SORBS2: variants seen among roughly 807,000 people sequenced by gnomAD.
SORBS2 encodes sorbin and SH3 domain-containing protein 2.
SORBS2 carries 46 observed loss-of-function variants against 97.7 expected under a neutral mutation model. That is an observed-to-expected ratio of 0.47 (90% CI 0.37 to 0.60). SORBS2 has a LOEUF of 0.60. SORBS2 is among the 20% of genes least tolerant of loss of function. The pLI, the probability that SORBS2 is intolerant of heterozygous loss-of-function variation, is 0.00. For synonymous variants in SORBS2, 476 were observed against 473.4 expected, an observed-to-expected ratio of 1.01 and a Z score of -0.07; for missense variants, 1,316 against 1,282.3, an observed-to-expected ratio of 1.03 and a Z score of -0.40.
chr4:185,797,399 C>T (rs184729166), intron 1 of SORBS2, among the ~76,000 whole-genome samples: 169 of 152,276 alleles, frequency 1.1e-3, no homozygotes, highest in African/African-American at 3.9e-3. Context: ...ATATTTTTCA[C>T]CCACAAATAT....
At chr4:185,956,257 A>G (rs780217452) in exon 1 of SORBS2, 7 of 152,242 alleles carry the variant, frequency 4.6e-5, no homozygotes, top group Non-Finnish European at 1.0e-4. Context: ...GTGCAGAATG[A>G]GTTGCTTGGG....
intron 2 of SORBS2, among the ~76,000 whole-genome samples, chr4:185,699,231 CTTAAAA>C (rs1479407817): frequency 6.8e-6 from 1 of 147,702 alleles, no homozygotes; most frequent in African/African-American, 2.5e-5. Flanking sequence ...ATCTTATAGT[CTTAAAA>C]TTTAAGTAAT....
intron 1 of SORBS2, among the ~76,000 whole-genome samples, chr4:185,868,445 C>A (rs781342623): frequency 2.0e-4 from 31 of 151,556 alleles, no homozygotes; most frequent in Non-Finnish European, 4.0e-4. Context: ...CATGAGCCAC[C>A]GTGCCCAGCC....
intron 1 of SORBS2, among the ~76,000 whole-genome samples, chr4:185,796,909 G>A (rs55691941): frequency 9.5e-5 from 10 of 105,316 alleles, no homozygotes; most frequent in African/African-American, 3.2e-4. Flanking sequence ...ATGCCTGGGC[G>A]CTGTGGCCAC....
At chr4:185,693,109 G>T (rs1407612524) in intron 2 of SORBS2, among the ~76,000 whole-genome samples, 1 of 152,164 alleles carries the variant, frequency 6.6e-6, no homozygotes, top group Non-Finnish European at 1.5e-5. Context: ...AGTTTCCACA[G>T]GGTTATGGGG....
At position 185,724,156 on chromosome 4, in the gene SORBS2, A is replaced by G. The variant is rs1390055505; in HGVS notation, c.-197-45334T>C. On this transcript the variant is annotated intron_variant, in intron 2 of 20. Transcript: ENST00000284776. Reference sequence around the variant, plus strand: ...ATAAAAGAAGCTTAGTATGAAAAAGATCCAGGGTTTCTTAACCTACCTCTT... The same window carrying G: ...ATAAAAGAAGCTTAGTATGAAAAAGGTCCAGGGTTTCTTAACCTACCTCTT... Among the ~76,000 whole-genome samples, 7 of 152,272 alleles carry G rather than the reference A, an allele frequency of 4.6e-5. No individual in the cohort carries two copies. In the East Asian group the frequency reaches 1.3e-3, roughly 29 times the overall value.
intron 1 of SORBS2, among the ~76,000 whole-genome samples, chr4:185,846,416 G>C (rs894565792): frequency 2.6e-5 from 4 of 152,162 alleles, no homozygotes; most frequent in African/African-American, 9.7e-5. Context: ...CAACTGAATG[G>C]GGCCAAGGAC....
chr4:185,690,390 TATA>T (rs562052000), intron 2 of SORBS2, among the ~76,000 whole-genome samples, 169 bp downstream of exon 4: 30 of 152,314 alleles, frequency 2.0e-4, no homozygotes, highest in Non-Finnish European at 3.8e-4. Context: ...GTTTGGTGGC[TATA>T]AGAGTGGGGC....
Position 185,666,524 on chromosome 4 carries a change from A to G in SORBS2, c.-45-4282T>C, listed in dbSNP as rs1040516015. Reference sequence around the variant, plus strand: ...TAGTTTTTGTATTTGTGACAATGATAAGATATCAGACTATCGGTCAGCAGA... The same window carrying G: ...TAGTTTTTGTATTTGTGACAATGATGAGATATCAGACTATCGGTCAGCAGA... On this transcript the variant is annotated intron_variant, in intron 4 of 20. Coordinates refer to the SORBS2 transcript ENST00000284776. Among the ~76,000 whole-genome samples the G allele has an allele frequency of 2.6e-5, 4 of 152,234 alleles. No homozygotes were observed. The South Asian group carries it at 6.2e-4, about 24-fold the overall frequency.
At chr4:185,863,533 T>C (rs2099225093) in intron 1 of SORBS2, among the ~76,000 whole-genome samples, 1 of 152,286 alleles carries the variant, frequency 6.6e-6, no homozygotes, top group Non-Finnish European at 1.5e-5. Flanking sequence ...CAGATTAGTT[T>C]AGAAATACCA....
At position 185,622,909 on chromosome 4, in the gene SORBS2, T is replaced by C. The variant is rs1271898307; in HGVS notation, c.2215+5A>G. The C allele has an allele frequency of 3.2e-6, 5 of 1,577,714 alleles. No homozygotes were observed. The highest frequency in any genetic ancestry group is 4.3e-6 in the Non-Finnish European group (5 of 1,161,560). On this transcript the variant is annotated splice_donor_5th_base_variant and intron_variant, in intron 7 of 14. Transcript: ENST00000418609. ...ACAAGGAAAAAGAAAGAAAAGCTCA[T>C]CCACCTTGGAGTGCACCGCCACGGT...
At chr4:185,652,550 C>CACGGAGT in intron 2 of SORBS2, 112 bp downstream of exon 10, 3 of 815,446 alleles carry the variant, frequency 3.7e-6, no homozygotes, top group Non-Finnish European at 6.4e-6. Flanking sequence ...AGAAAGGGGA[C>CACGGAGT]ACGGAGTTTG....
In SORBS2 at chr4:185,793,710, T is replaced by C. The variant is rs765924515; in HGVS notation, c.-337-18344A>G. 3.3e-5 allele frequency among the ~76,000 whole-genome samples: 5 copies of C among 150,700 alleles called. 1 individual carries two copies. The highest frequency in any genetic ancestry group is 5.9e-5 in the Non-Finnish European group (4 of 67,992). The stretch of plus-strand genomic sequence containing the variant: ...AAGATTTCCTTTCCATCTCTGGGGA[T>C]TTTTTTTATTGATGATGAAGTTATT... On this transcript the variant is annotated intron_variant, in intron 1 of 20. Transcript: ENST00000284776.
At chr4:185,730,292 T>TA (rs202098461) in intron 2 of SORBS2, among the ~76,000 whole-genome samples, 8 of 149,358 alleles carry the variant, frequency 5.4e-5, no homozygotes, top group South Asian at 2.1e-4. Flanking sequence ...TTTTTTTTTT[T>TA]AAAGGTCAAT....
At chr4:185,779,809 A>AG (rs2099018512) in intron 1 of SORBS2, among the ~76,000 whole-genome samples, 1 of 152,154 alleles carries the variant, frequency 6.6e-6, no homozygotes, top group Non-Finnish European at 1.5e-5. Context: ...TCTCTTAGTC[A>AG]AATATTTTAG....
chr4:185,891,898 G>A (rs1022892578), intron 1 of SORBS2, among the ~76,000 whole-genome samples: 2 of 151,978 alleles, frequency 1.3e-5, no homozygotes, highest in African/African-American at 4.8e-5. Flanking sequence ...GCAGTGGCGC[G>A]ATCTTGGCTC....
At chr4:185,840,781 A>T (rs919450130) in intron 1 of SORBS2, among the ~76,000 whole-genome samples, 1 of 152,208 alleles carries the variant, frequency 6.6e-6, no homozygotes, top group Non-Finnish European at 1.5e-5. Context: ...CAGGCACTTG[A>T]TACCGAGATG....
intron 6 of SORBS2, among the ~76,000 whole-genome samples, chr4:185,626,604 G>T (rs1429406947): frequency 6.6e-6 from 1 of 152,104 alleles, no homozygotes; most frequent in Non-Finnish European, 1.5e-5. Flanking sequence ...CTATTTGGGG[G>T]AAAAAAGCAT....
At chr4:185,794,451 G>A (rs2099096043) in intron 1 of SORBS2, among the ~76,000 whole-genome samples, 1 of 152,200 alleles carries the variant, frequency 6.6e-6, no homozygotes, top group Admixed American at 6.5e-5. Context: ...TGCAGTCACA[G>A]CCACAAATAT....
Sources: gnomAD v4.1 joint callset for allele counts (sites outside exome capture counted in the v4.1 genomes callset) on GRCh38, gnomAD v4.1.1 for gene constraint, MANE v1.5 for transcripts, NCBI Gene and HGNC (gene_info 2026-07-23, HGNC 2026-07-21) for gene names.